TRA2B: variants seen among roughly 807,000 people sequenced by gnomAD.
TRA2B encodes transformer 2 beta homolog.
In TRA2B, 14 loss-of-function variants were observed where a neutral mutation model predicts 41.7. That is an observed-to-expected ratio of 0.34 (90% CI 0.22 to 0.53). TRA2B has a LOEUF of 0.53. Among genes scored for constraint, TRA2B ranks in the 20% least tolerant of loss-of-function variants. The pLI is 0.95. For missense variants in TRA2B, 167 were observed against 396.8 expected, an observed-to-expected ratio of 0.42 and a Z score of 4.92; for synonymous variants, 130 against 128.8, an observed-to-expected ratio of 1.01 and a Z score of -0.06.
chr3:185,938,000 C>T lies in TRA2B; in HGVS notation c.-140G>A, dbSNP rs1744441434. 2.1e-6 allele frequency: 2 copies of T among 946,770 alleles called. No individual in the cohort carries two copies. The highest frequency in any genetic ancestry group is 1.5e-5 in the South Asian group (1 of 68,758). 58.6% of individuals were successfully genotyped at this position (946,770 alleles called of 1,614,324 possible). A position where few individuals can be genotyped will look rare whatever the true frequency, so the allele number is the denominator to read the frequency against. On this transcript the variant is annotated 5_prime_UTR_variant, in exon 1 of 9. Transcript: ENST00000453386. The stretch of plus-strand genomic sequence containing the variant: ...TCAGAGCCGAAATGCTCCGCACCGC[C>T]TCCGCACGGGCTCTAACTCTACCGG...
chr3:185,918,590 A>C (rs532871203), intron 7 of TRA2B, 152 bp from the exon 8 acceptor site: 81 of 496,124 alleles, frequency 1.6e-4, no homozygotes, highest in African/African-American at 1.2e-3. Flanking sequence ...TTGAGAATGA[A>C]GCACATTATC....
At chr3:185,917,811 G>C (rs1025243348) in intron 8 of TRA2B, 86 bp from the exon 9 acceptor site, 1 of 1,452,304 alleles carries the variant, frequency 6.9e-7, no homozygotes, top group Non-Finnish European at 9.6e-7. Flanking sequence ...AGAATATTCT[G>C]CCATTAAGAA....
In TRA2B at chr3:185,936,932, G is replaced by C. The variant is rs192932333; in HGVS notation, c.36+893C>G. On this transcript the variant is annotated intron_variant, in intron 1 of 8. Transcript: ENST00000453386. ...ACCTTTAAGAGGTGGAAACTTAAGG[G>C]AAAGAAAACTGTAGCCAACACACGC... is the stretch of plus-strand genomic sequence containing the variant. The C allele has an allele frequency of 2.0e-5, 20 of 985,310 alleles. No individual in the cohort carries two copies. In the Admixed American group the frequency reaches 1.2e-3, roughly 61 times the overall value. 61.0% of individuals were successfully genotyped at this position (985,310 alleles called of 1,614,324 possible). A position where few individuals can be genotyped will look rare whatever the true frequency, so the allele number is the denominator to read the frequency against.
intron 3 of TRA2B, 151 bp downstream of exon 3, chr3:185,925,313 A>T: frequency 1.2e-6 from 1 of 867,946 alleles, no homozygotes; most frequent in Non-Finnish European, 1.7e-6. Flanking sequence ...ATGGAAGATT[A>T]ACTTAAAAGA....
At chr3:185,924,466 G>A (rs1319063431) in intron 3 of TRA2B, 1 of 153,844 alleles carries the variant, frequency 6.5e-6, no homozygotes, top group Non-Finnish European at 1.4e-5. Flanking sequence ...CGAAGCCTGA[G>A]GGGATGCGTA....
chr3:185,937,718 C>G lies in TRA2B; in HGVS notation c.36+107G>C, dbSNP rs1281270898. ...CCTTGCCTGCCCTCCCGGCTTCAGA[C>G]TTCGGAGCCTAAAACGCCCCTGCCT... is the stretch of plus-strand genomic sequence containing the variant. On this transcript the variant is annotated intron_variant, in intron 1 of 8. Transcript: ENST00000453386. 7 of 1,511,482 alleles carry G rather than the reference C, an allele frequency of 4.6e-6. No homozygotes were observed. The African/African-American group carries it at 8.3e-5, about 18-fold the overall frequency. The allele number at this position is 1,511,482 out of a possible 1,614,324, so 93.6% of individuals were successfully genotyped here. A position where few individuals can be genotyped will look rare whatever the true frequency, so the allele number is the denominator to read the frequency against.
chr3:185,934,774 T>C, intron 1 of TRA2B: 2 of 985,454 alleles, frequency 2.0e-6, no homozygotes, highest in Middle Eastern at 5.2e-4. Flanking sequence ...AACTGCAGAA[T>C]TTGAAAAGCA....
chr3:185,937,099 G>C (rs1432975916), intron 1 of TRA2B: 2 of 985,332 alleles, frequency 2.0e-6, no homozygotes, highest in Non-Finnish European at 2.4e-6. Context: ...TGTCCTAATA[G>C]AATACTGATA....
At chr3:185,936,956 G>C in intron 1 of TRA2B, 1 of 985,378 alleles carries the variant, frequency 1.0e-6, no homozygotes, top group Non-Finnish European at 1.2e-6. Flanking sequence ...GCCAACACAC[G>C]CTGTGGTTCT....
intron 1 of TRA2B, chr3:185,931,558 TAAAC>T: frequency 3.3e-6 from 4 of 1,198,048 alleles, no homozygotes; most frequent in Non-Finnish European, 4.1e-6. Flanking sequence ...CAGGGACACA[TAAAC>T]AGACTAGTAA....
chr3:185,924,357 G>A, intron 3 of TRA2B: 1 of 174,052 alleles, frequency 5.7e-6, no homozygotes, highest in Non-Finnish European at 1.2e-5. Flanking sequence ...TTGTAATGTT[G>A]ACACACCTTC....
chr3:185,933,865 T>C (rs1744245664), intron 1 of TRA2B, among the ~76,000 whole-genome samples: 1 of 152,160 alleles, frequency 6.6e-6, no homozygotes, highest in Admixed American at 6.6e-5. Flanking sequence ...AAATATCTTT[T>C]GACTTTTCAG....
In TRA2B at chr3:185,917,185, A is replaced by G. The variant is rs1743531802; in HGVS notation, c.*530T>C. 6.5e-6 allele frequency: 1 copy of G among 152,992 alleles called. No homozygotes were observed. Among genetic ancestry groups the G allele is most frequent in the African/African-American group, 2.4e-5 (1 of 41,482 alleles). The allele number at this position is 152,992 out of a possible 1,614,324, so 9.5% of individuals were successfully genotyped here. ...GTTCTAATACTAGCAGTACAGAGTT[A>G]CAGAGCATAATTTTAAACACTTAGT... On this transcript the variant is annotated 3_prime_UTR_variant, in exon 9 of 9. Transcript: ENST00000453386.
In TRA2B at chr3:185,916,848, G is replaced by C. The variant is rs934563486; in HGVS notation, c.*867C>G. On this transcript the variant is annotated 3_prime_UTR_variant, in exon 9 of 9. Coordinates refer to ENST00000453386, the MANE Select transcript of TRA2B (RefSeq NM_004593.3). ...GACCTGAAAATAATATTTAAAAAAT[G>C]AACAGGCAAAGTCTTCAGTTCATCC... The C allele has an allele frequency of 6.6e-6, 1 of 152,292 alleles. No homozygotes were observed. Among genetic ancestry groups the C allele is most frequent in the Non-Finnish European group, 1.5e-5 (1 of 68,024 alleles). The allele number at this position is 152,292 out of a possible 1,614,324, so 9.4% of individuals were successfully genotyped here.
chr3:185,915,287 G>C lies in TRA2B; in HGVS notation c.*2428C>G, dbSNP rs1352151076. 5.3e-5 allele frequency among the ~76,000 whole-genome samples: 8 copies of C among 152,306 alleles called. No individual in the cohort carries two copies. The highest frequency in any genetic ancestry group is 5.2e-4 in the Admixed American group (8 of 15,300). On this transcript the variant is annotated 3_prime_UTR_variant, in exon 9 of 9. Coordinates refer to ENST00000453386, the MANE Select transcript of TRA2B (RefSeq NM_004593.3). The stretch of plus-strand genomic sequence containing the variant: ...TATTTAACTTAGCAATCTTCCAAAT[G>C]AACTTTACATTTGGTTTTAGTAGTC...
At chr3:185,925,833 TC>T (rs1743925956) in intron 2 of TRA2B, among the ~76,000 whole-genome samples, 1 of 152,226 alleles carries the variant, frequency 6.6e-6, no homozygotes. Context: ...CAAGCTCTCC[TC>T]CAGTATTTCT....
chr3:185,931,729 T>A, intron 1 of TRA2B: 2 of 1,450,294 alleles, frequency 1.4e-6, no homozygotes, highest in Non-Finnish European at 1.8e-6. Context: ...TCTGGTCTGA[T>A]AATTAGCATG....
intron 8 of TRA2B, 101 bp from the exon 9 acceptor site, chr3:185,917,826 CTA>C: frequency 7.7e-7 from 1 of 1,304,900 alleles, no homozygotes; most frequent in South Asian, 1.2e-5. Context: ...TAAGAAATTC[CTA>C]TGTGCCAGAA....
At chr3:185,929,029 A>C (rs1744054739) in intron 1 of TRA2B, 1 of 152,252 alleles carries the variant, frequency 6.6e-6, no homozygotes, top group East Asian at 1.9e-4. Flanking sequence ...GTTTTCACTC[A>C]GCCTCCAAAA....
Sources: allele counts gnomAD v4.1 joint callset (sites outside exome capture counted in the v4.1 genomes callset), GRCh38; gene constraint gnomAD v4.1.1; transcripts MANE v1.5; gene names NCBI Gene and HGNC (gene_info 2026-07-23, HGNC 2026-07-21).